Variants in TNKS observed in about 807,000 individuals in gnomAD.
TNKS encodes tankyrase.
TNKS carries 72 observed loss-of-function variants against 135.8 expected under a neutral mutation model. The observed-to-expected ratio is 0.53, with a 90% confidence interval of 0.44 to 0.64. TNKS has a LOEUF of 0.64. Among genes scored for constraint, TNKS ranks in the 30% least tolerant of loss-of-function variants. The pLI is 0.00. For missense variants in TNKS, 1,769 were observed against 1,674.0 expected, an observed-to-expected ratio of 1.06 and a Z score of -0.99; for synonymous variants, 849 against 649.3, an observed-to-expected ratio of 1.31 and a Z score of -4.68.
intron 18 of TNKS, among the ~76,000 whole-genome samples, chr8:9,750,776 G>C (rs142630903): frequency 6.6e-6 from 1 of 152,340 alleles, no homozygotes; most frequent in African/African-American, 2.4e-5. Context: ...ACGTCTGGGA[G>C]TTGACTGGGC....
In TNKS at chr8:9,704,668, T is replaced by C; in HGVS notation, c.1113T>C (p.Thr371=). 8 of 1,612,012 alleles carry C rather than the reference T, an allele frequency of 5.0e-6. No individual in the cohort carries two copies. The highest frequency in any genetic ancestry group is 6.8e-6 in the Non-Finnish European group (8 of 1,178,594). The part of the protein sequence containing the change: ...NCHASDGRKS[T]PLHLAAGYNR... ...GGGATGTTTTTCTTTTCTAGTCGAC[T>C]CCTTTACATCTAGCAGCGGGCTACA... Residue 371 remains threonine, a synonymous_variant, in exon 6 of 27, where the codon ACT becomes ACC. Transcript: ENST00000310430.
rs929141869 is a variant in TNKS, at chr8:9,738,857, T to C, written c.2643+3371T>C. Among the ~76,000 whole-genome samples, 63 of 134,844 alleles carry C rather than the reference T, an allele frequency of 4.7e-4. 1 individual carries two copies. The East Asian group carries it at 0.013, about 29-fold the overall frequency. The allele number at this position is 134,844 out of a possible 152,430, so 88.5% of individuals were successfully genotyped here. On this transcript the variant is annotated intron_variant, in intron 17 of 26. Transcript: ENST00000310430. Reference sequence around the variant, plus strand: ...TTTTGGAATAGGTGTGGTGTGGTGCTGAAAAAAATGTATATTCTGTTGATT... The same window carrying C: ...TTTTGGAATAGGTGTGGTGTGGTGCCGAAAAAAATGTATATTCTGTTGATT...
intron 2 of TNKS, among the ~76,000 whole-genome samples, chr8:9,588,947 T>C (rs34853937): frequency 0.05 from 7,571 of 152,274 alleles, 202 homozygotes; most frequent in Middle Eastern, 0.075. Flanking sequence ...GGTTAATGGG[T>C]TAATCGGAGT....
chr8:9,769,623 T>C (rs1024766612), intron 25 of TNKS, among the ~76,000 whole-genome samples: 2 of 137,014 alleles, frequency 1.5e-5, no homozygotes, highest in Admixed American at 7.1e-5. Flanking sequence ...TTTTTTTTTT[T>C]TTTTTTTTTT....
At chr8:9,641,504 A>C (rs1327807562) in intron 3 of TNKS, among the ~76,000 whole-genome samples, 1 of 145,652 alleles carries the variant, frequency 6.9e-6, no homozygotes. Flanking sequence ...AGAATTTCTT[A>C]ATTTTGTATA....
At chr8:9,565,061 T>A (rs1483507340) in intron 1 of TNKS, among the ~76,000 whole-genome samples, 1 of 152,044 alleles carries the variant, frequency 6.6e-6, no homozygotes, top group African/African-American at 2.4e-5. Context: ...GTTTTAGGTG[T>A]TTTGTTTTTG....
chr8:9,756,331 C>T (rs368784829), intron 20 of TNKS, among the ~76,000 whole-genome samples: 134 of 152,182 alleles, frequency 8.8e-4, no homozygotes, highest in African/African-American at 3.0e-3. Flanking sequence ...AGTTTTCTCT[C>T]CCCACCCAAA....
intron 11 of TNKS, 94 bp downstream of exon 11, chr8:9,710,314 C>T (rs749475309): frequency 8.4e-7 from 1 of 1,188,026 alleles, no homozygotes. Context: ...TCTGAAGAAA[C>T]TAATTTTATA....
chr8:9,656,254 T>A (rs34625531), intron 3 of TNKS, among the ~76,000 whole-genome samples: 1 of 152,146 alleles, frequency 6.6e-6, no homozygotes, highest in Admixed American at 6.5e-5. Context: ...AGACCAAATC[T>A]ACGTCCTGAT....
chr8:9,757,230 C>G (rs1168547575), intron 20 of TNKS, among the ~76,000 whole-genome samples: 1 of 152,176 alleles, frequency 6.6e-6, no homozygotes, highest in Non-Finnish European at 1.5e-5. Flanking sequence ...CCGCCTTGGC[C>G]TCCCAAAGTG....
chr8:9,599,906 A>G (rs763262423), intron 2 of TNKS, among the ~76,000 whole-genome samples: 5 of 152,206 alleles, frequency 3.3e-5, no homozygotes, highest in Non-Finnish European at 7.3e-5. Flanking sequence ...TTGTCCATAA[A>G]GATTGAAGGA....
At chr8:9,627,878 T>A (rs1800124281) in intron 3 of TNKS, among the ~76,000 whole-genome samples, 1 of 152,228 alleles carries the variant, frequency 6.6e-6, no homozygotes, top group Non-Finnish European at 1.5e-5. Context: ...TATTACTTTT[T>A]TCATATTTCA....
intron 11 of TNKS, among the ~76,000 whole-genome samples, chr8:9,713,169 G>T (rs1241556629): frequency 6.6e-6 from 1 of 152,134 alleles, no homozygotes; most frequent in Non-Finnish European, 1.5e-5. Flanking sequence ...TTCTACAGAT[G>T]TATTACCTAT....
At chr8:9,594,695 C>A (rs1043786581) in intron 2 of TNKS, among the ~76,000 whole-genome samples, 1 of 152,024 alleles carries the variant, frequency 6.6e-6, no homozygotes, top group Non-Finnish European at 1.5e-5. Flanking sequence ...ATATAGAAAT[C>A]ATCATTTTTT....
At chr8:9,613,543 T>G (rs946749062) in intron 2 of TNKS, among the ~76,000 whole-genome samples, 1 of 152,242 alleles carries the variant, frequency 6.6e-6, no homozygotes, top group African/African-American at 2.4e-5. Flanking sequence ...CTAATGTGAA[T>G]TTTGTTATCA....
At chr8:9,647,234 C>G (rs543992399) in intron 3 of TNKS, among the ~76,000 whole-genome samples, 2 of 152,122 alleles carry the variant, frequency 1.3e-5, no homozygotes, top group East Asian at 1.9e-4. Context: ...TCACTTTTTG[C>G]GTAATGATTC....
intron 1 of TNKS, among the ~76,000 whole-genome samples, chr8:9,573,669 C>G (rs1448925684): frequency 1.3e-5 from 2 of 152,076 alleles, no homozygotes; most frequent in East Asian, 1.9e-4. Context: ...TCTTTTTACG[C>G]TTAAAAAGCA....
At chr8:9,770,314 G>A (rs1563224207) in intron 26 of TNKS, 52 bp downstream of exon 26, 2 of 1,550,452 alleles carry the variant, frequency 1.3e-6, no homozygotes, top group East Asian at 2.3e-5. Context: ...TGTCAATAGA[G>A]CACAGAGACC....
chr8:9,596,001 A>G (rs1798773772), intron 2 of TNKS, among the ~76,000 whole-genome samples: 1 of 152,160 alleles, frequency 6.6e-6, no homozygotes, highest in South Asian at 2.1e-4. Flanking sequence ...GGTCCTAGCT[A>G]CTTGGAAGGC....
Sources: allele counts gnomAD v4.1 joint callset (sites outside exome capture counted in the v4.1 genomes callset), GRCh38; gene constraint gnomAD v4.1.1; transcripts MANE v1.5; gene names NCBI Gene and HGNC (gene_info 2026-07-23, HGNC 2026-07-21).